The following ISL1 variants were observed in gnomAD, a reference collection of about 807,000 sequenced individuals.
ISL1 encodes ISL LIM homeobox 1.
A neutral mutation model predicts 35.3 loss-of-function variants in ISL1; 4 were observed. The observed-to-expected ratio is 0.11, with a 90% CI of 0.06 to 0.26. The LOEUF is 0.26. ISL1 is among the 10% of genes least tolerant of loss of function. The probability of loss-of-function intolerance (pLI) is 1.00; values close to 1 mark genes in which losing one functional copy is unlikely to be tolerated. For synonymous variants in ISL1, 186 were observed against 172.3 expected, an observed-to-expected ratio of 1.08 and a Z score of -0.62; for missense variants, 340 against 472.8, an observed-to-expected ratio of 0.72 and a Z score of 2.60.
intron 1 of ISL1, among the ~76,000 whole-genome samples, chr5:51,384,042 T>G (rs1416764520): frequency 1.3e-5 from 2 of 152,152 alleles, no homozygotes; most frequent in African/African-American, 4.8e-5. Context: ...AGATGTGAAT[T>G]AGCATTAGAC....
intron 1 of ISL1, among the ~76,000 whole-genome samples, chr5:51,384,241 G>A (rs1408134954): frequency 3.8e-4 from 47 of 123,900 alleles, no homozygotes; most frequent in Middle Eastern, 4.1e-3. Context: ...TAGCAAAGAG[G>A]AAGGGGGGGG....
intron 2 of ISL1, chr5:51,386,770 T>TA (rs1324936950): frequency 6.8e-5 from 25 of 370,230 alleles, no homozygotes; most frequent in South Asian, 2.9e-4. Flanking sequence ...CAGATTTTTT[T>TA]AAAAAAATAA....
intron 3 of ISL1, among the ~76,000 whole-genome samples, chr5:51,388,294 T>TA (rs1249145230): frequency 6.6e-6 from 1 of 152,234 alleles, no homozygotes; most frequent in Non-Finnish European, 1.5e-5. Flanking sequence ...ACTGAAAAGA[T>TA]ACAGTTTTAA....
Position 51,387,265 on chromosome 5 carries a change from G to A in ISL1, c.219-225G>A, listed in dbSNP as rs764632324. Among the ~76,000 whole-genome samples the A allele has an allele frequency of 3.3e-5, 5 of 152,132 alleles. No homozygotes were observed. The highest frequency in any genetic ancestry group is 7.4e-5 in the Non-Finnish European group (5 of 68,020). On this transcript the variant is annotated intron_variant, in intron 2 of 5. Transcript: ENST00000230658. The surrounding 1 kb of genome is among the most constrained non-coding windows in gnomAD (Gnocchi z 4.3). Reference sequence around the variant, plus strand: ...AAACGGGAGTAAAAGAAAGGGAGGAGGGAGGGAGGGGAAAAGAGAGATGGG... The same window carrying A: ...AAACGGGAGTAAAAGAAAGGGAGGAAGGAGGGAGGGGAAAAGAGAGATGGG...
At chr5:51,383,793 G>A in intron 1 of ISL1, 94 bp downstream of exon 1, 3 of 1,082,526 alleles carry the variant, frequency 2.8e-6, no homozygotes, top group Admixed American at 1.7e-5. Flanking sequence ...GCTCTTTGGA[G>A]TTGGAGTCAT....
Position 51,391,137 on chromosome 5 carries a change from G to C in ISL1, c.766-137G>C, listed in dbSNP as rs1374912653. 32 of 772,584 alleles carry C rather than the reference G, an allele frequency of 4.1e-5. No individual in the cohort carries two copies. The East Asian group carries it at 8.0e-4, about 19-fold the overall frequency. 47.9% of individuals were successfully genotyped at this position (772,584 alleles called of 1,614,324 possible). A position where few individuals can be genotyped will look rare whatever the true frequency, so the allele number is the denominator to read the frequency against. The stretch of plus-strand genomic sequence containing the variant: ...AATTCTAACTAATATCCGTAGGTAC[G>C]GCGGATTAACTGAGTCAATAAAGAC... On this transcript the variant is annotated intron_variant, in intron 4 of 5. Coordinates refer to ENST00000230658, the MANE Select transcript of ISL1 (RefSeq NM_002202.3).
chr5:51,385,171 C>A (rs940128973), intron 2 of ISL1, among the ~76,000 whole-genome samples: 5 of 152,108 alleles, frequency 3.3e-5, no homozygotes, highest in African/African-American at 1.2e-4. Context: ...GGCATCAATG[C>A]AATAGGTGAA....
rs555406271 is a variant in ISL1, at chr5:51,383,453, T to C, written c.-219T>C. 52 of 617,214 alleles carry C rather than the reference T, an allele frequency of 8.4e-5. No homozygotes were observed. Among genetic ancestry groups the C allele is most frequent in the Non-Finnish European group, 1.3e-4 (45 of 346,066 alleles). 38.2% of individuals were successfully genotyped at this position (617,214 alleles called of 1,614,324 possible). On this transcript the variant is annotated 5_prime_UTR_variant, in exon 1 of 6. Coordinates refer to ENST00000230658, the MANE Select transcript of ISL1 (RefSeq NM_002202.3). ...AGAGGTGCCCGAGCCGCGCCGAGTC[T>C]GCCGCCGCCGCAGCGCCTCCGCTCC...
At chr5:51,390,458 A>C (rs1239772231) in intron 4 of ISL1, among the ~76,000 whole-genome samples, 2 of 151,912 alleles carry the variant, frequency 1.3e-5, no homozygotes, top group East Asian at 2.0e-4. Flanking sequence ...GAGTTCCCCC[A>C]AGGTGACCCG....
In ISL1 at chr5:51,384,543, A is replaced by G; in HGVS notation, c.31A>G (p.Lys11Glu). 6.2e-7 allele frequency: 1 copy of G among 1,614,052 alleles called. No homozygotes were observed. Among genetic ancestry groups the G allele is most frequent in the Non-Finnish European group, 8.5e-7 (1 of 1,179,914 alleles). Residue 11 changes from lysine (K) to glutamate (E), a missense_variant and splice_region_variant, in exon 2 of 6, where the codon AAA becomes GAA. By Grantham distance (56) the Lys-to-Glu change is moderately conservative. Around this residue, in one of 7 missense-constraint regions of ISL1, gnomAD observed 22 missense variants for 18.4 expected, o/e 1.20. Coordinates refer to ENST00000230658, the MANE Select transcript of ISL1 (RefSeq NM_002202.3). ...TCATGTATTTATTTTCATTTCAGAAAAACGTCTGATTTCCCTATGTGTTGG... is the reference window on the plus strand; with the variant it reads ...TCATGTATTTATTTTCATTTCAGAAGAACGTCTGATTTCCCTATGTGTTGG... The part of the protein sequence containing the change: MGDMGDPPKK[K>E]RLISLCVGCG...
intron 5 of ISL1, among the ~76,000 whole-genome samples, chr5:51,391,886 C>T (rs1358517483): frequency 2.6e-5 from 4 of 151,932 alleles, no homozygotes; most frequent in Non-Finnish European, 4.4e-5. Flanking sequence ...CAAATCAAGG[C>T]GATTGTAGTA....
chr5:51,390,637 T>TTTTC (rs1747480769), intron 4 of ISL1, among the ~76,000 whole-genome samples: 1 of 42,066 alleles, frequency 2.4e-5, no homozygotes, highest in African/African-American at 1.8e-4. Flanking sequence ...CTTTTCTTTC[T>TTTTC]TTTTCTTTTT....
rs1442427099 is a variant in ISL1, at chr5:51,391,680, T to C, written c.933+239T>C. On this transcript the variant is annotated intron_variant, in intron 5 of 5. Coordinates refer to ENST00000230658, the MANE Select transcript of ISL1 (RefSeq NM_002202.3). ...CCATATAGGTTGAATTTTCTATCAATCAGGCCTTCTTTGAAGGATTAATTT... is the reference window on the plus strand; with the variant it reads ...CCATATAGGTTGAATTTTCTATCAACCAGGCCTTCTTTGAAGGATTAATTT... Among the ~76,000 whole-genome samples, 3 of 151,992 alleles carry C rather than the reference T, an allele frequency of 2.0e-5. No individual in the cohort carries two copies. In the East Asian group the frequency reaches 5.8e-4, roughly 29 times the overall value.
chr5:51,383,848 G>T (rs1458701001), intron 1 of ISL1, 149 bp downstream of exon 1: 8 of 737,942 alleles, frequency 1.1e-5, no homozygotes, highest in African/African-American at 3.5e-5. Context: ...TTGCCGCCAC[G>T]CCTGCATGCT....
chr5:51,393,495 T>C lies in ISL1; in HGVS notation c.935T>C (p.Val312Ala). The C allele has an allele frequency of 6.3e-7, 1 of 1,594,122 alleles. No individual in the cohort carries two copies. Among genetic ancestry groups the C allele is most frequent in the South Asian group, 1.1e-5 (1 of 90,672 alleles). The change falls in exon 6 of 6, where the codon GTC becomes GCC. Residue 312 changes from valine to alanine, a missense_variant and splice_region_variant. Around this residue, in one of 7 missense-constraint regions of ISL1, gnomAD observed 104 missense variants for 97.3 expected, o/e 1.07. Coordinates refer to ENST00000230658, the MANE Select transcript of ISL1 (RefSeq NM_002202.3). ...DIDQPAFQQL[V>A]NFSEGGPGSN... is the part of the protein sequence containing the mutation. Reference sequence around the variant, plus strand: ...TTTATTTCTCAACCTTCTATGCAGGTCAATTTTTCAGAAGGAGGACCGGGC... The same window carrying C: ...TTTATTTCTCAACCTTCTATGCAGGCCAATTTTTCAGAAGGAGGACCGGGC...
In ISL1 at chr5:51,393,919, C is replaced by T. The variant is rs1580731583; in HGVS notation, c.*309C>T. On this transcript the variant is annotated 3_prime_UTR_variant, in exon 6 of 6. Coordinates refer to ENST00000230658, the MANE Select transcript of ISL1 (RefSeq NM_002202.3). The stretch of plus-strand genomic sequence containing the variant: ...ACGTAGAGGATTTATATTCAAGGAT[C>T]TCAAAGAAAGCATTTTCATTTCACT... The T allele has an allele frequency of 5.3e-6, 2 of 374,764 alleles. No individual in the cohort carries two copies. The highest frequency in any genetic ancestry group is 2.1e-5 in the African/African-American group (1 of 48,340). 23.2% of individuals were successfully genotyped at this position (374,764 alleles called of 1,614,324 possible). A position where few individuals can be genotyped will look rare whatever the true frequency, so the allele number is the denominator to read the frequency against.
At chr5:51,392,310 T>C (rs1747536459) in intron 5 of ISL1, among the ~76,000 whole-genome samples, 1 of 152,228 alleles carries the variant, frequency 6.6e-6, no homozygotes, top group African/African-American at 2.4e-5. Context: ...ATAGATGATT[T>C]TTTTTTCTTA....
chr5:51,383,991 T>C (rs1182852612), intron 1 of ISL1, among the ~76,000 whole-genome samples: 1 of 151,740 alleles, frequency 6.6e-6, no homozygotes. Context: ...TCCGAGAAGG[T>C]TATTATGTTG....
Position 51,383,504 on chromosome 5 carries a change from C to G in ISL1, c.-168C>G. The stretch of plus-strand genomic sequence containing the variant: ...GCCAACTCCGCCGGCTTAAATTGGA[C>G]TCCTAGATCCGCGAGGGCGCGGCGC... On this transcript the variant is annotated 5_prime_UTR_variant, in exon 1 of 6. Coordinates refer to ENST00000230658, the MANE Select transcript of ISL1 (RefSeq NM_002202.3). 1.4e-6 allele frequency: 1 copy of G among 691,270 alleles called. No individual in the cohort carries two copies. Among genetic ancestry groups the G allele is most frequent in the Admixed American group, 2.2e-5 (1 of 44,448 alleles). 42.8% of individuals were successfully genotyped at this position (691,270 alleles called of 1,614,324 possible).
Sources: gnomAD v4.1 joint callset for allele counts (sites outside exome capture counted in the v4.1 genomes callset) on GRCh38, gnomAD v4.1.1 for gene constraint, gnomAD v4.1.1 regional missense constraint, Gnocchi (gnomAD v3.1) non-coding constraint, MANE v1.5 for transcripts, NCBI Gene and HGNC (gene_info 2026-07-23, HGNC 2026-07-21) for gene names.